RCAN2: variants seen among roughly 807,000 people sequenced by gnomAD.
The protein encoded by RCAN2 is calcipressin-2.
Under a neutral mutation model 23.6 loss-of-function variants are expected in RCAN2, and 9 were observed. The observed-to-expected ratio is 0.38, with a 90% CI of 0.23 to 0.67. The LOEUF (loss-of-function observed/expected upper bound fraction) is 0.67. RCAN2 is among the 30% of genes least tolerant of loss of function. RCAN2 has a pLI of 0.51. For synonymous variants in RCAN2, 109 were observed against 115.7 expected, an observed-to-expected ratio of 0.94 and a Z score of 0.37; for missense variants, 273 against 302.3, an observed-to-expected ratio of 0.90 and a Z score of 0.72.
intron 2 of RCAN2, among the ~76,000 whole-genome samples, chr6:46,262,603 A>AATAAATAAGTAAATAT (rs1767148573): frequency 6.6e-6 from 1 of 151,726 alleles, no homozygotes; most frequent in South Asian, 2.1e-4. Flanking sequence ...TAAATAAATA[A>AATAAATAAGTAAATAT]ATAAATAAAT....
chr6:46,329,604 C>G (rs9472740), intron 2 of RCAN2, among the ~76,000 whole-genome samples: 2 of 152,012 alleles, frequency 1.3e-5, no homozygotes, highest in Non-Finnish European at 2.9e-5. Context: ...GAGGTGCCTC[C>G]TAGATCCAGG....
chr6:46,401,017 G>A (rs1431375606), intron 2 of RCAN2, among the ~76,000 whole-genome samples: 1 of 152,174 alleles, frequency 6.6e-6, no homozygotes, highest in Non-Finnish European at 1.5e-5. Context: ...AAGTTTCCCA[G>A]TGATTCTTAT....
At chr6:46,364,322 T>C (rs928751685) in intron 2 of RCAN2, among the ~76,000 whole-genome samples, 1 of 152,180 alleles carries the variant, frequency 6.6e-6, no homozygotes, top group South Asian at 2.1e-4. Flanking sequence ...ATTGTGATGG[T>C]AGATAAAAAC....
intron 2 of RCAN2, among the ~76,000 whole-genome samples, chr6:46,444,369 G>C (rs1767639564): frequency 6.6e-6 from 1 of 152,180 alleles, no homozygotes; most frequent in East Asian, 1.9e-4. Flanking sequence ...CTCAGTGAGT[G>C]TCAGAGTTTG....
At chr6:46,374,219 A>G (rs1765400761) in intron 2 of RCAN2, among the ~76,000 whole-genome samples, 2 of 151,396 alleles carry the variant, frequency 1.3e-5, no homozygotes, top group Admixed American at 6.6e-5. Flanking sequence ...TTATATCAAA[A>G]CTCCTTTTAT....
At chr6:46,365,696 A>G (rs1403074576) in intron 2 of RCAN2, among the ~76,000 whole-genome samples, 1 of 152,144 alleles carries the variant, frequency 6.6e-6, no homozygotes, top group Non-Finnish European at 1.5e-5. Flanking sequence ...TATAGTCTCA[A>G]ATTTTATACT....
At chr6:46,264,588 T>C (rs4714910) in intron 2 of RCAN2, among the ~76,000 whole-genome samples, 86,406 of 152,138 alleles carry the variant, frequency 0.57, 29,583 homozygotes, top group Non-Finnish European at 0.77. Context: ...ATGTTCAAAT[T>C]CCTTAAGATT....
intron 2 of RCAN2, among the ~76,000 whole-genome samples, chr6:46,388,997 A>T (rs1356162350): frequency 6.6e-6 from 1 of 152,214 alleles, no homozygotes; most frequent in Non-Finnish European, 1.5e-5. Context: ...TGTAAAACCT[A>T]TGAAAACATG....
intron 2 of RCAN2, among the ~76,000 whole-genome samples, chr6:46,252,022 T>C (rs531316277): frequency 2.4e-4 from 14 of 58,952 alleles, no homozygotes; most frequent in Admixed American, 5.9e-4. Context: ...ACTCAGCATG[T>C]CCTCTCTTTT....
intron 2 of RCAN2, among the ~76,000 whole-genome samples, chr6:46,294,092 T>C (rs961781160): frequency 2.0e-5 from 3 of 152,176 alleles, no homozygotes; most frequent in African/African-American, 7.2e-5. Flanking sequence ...TTATAGGGAA[T>C]GATACAGGAT....
At chr6:46,240,063 C>T (rs1010819808) in intron 4 of RCAN2, among the ~76,000 whole-genome samples, 52 of 152,024 alleles carry the variant, frequency 3.4e-4, no homozygotes, top group Non-Finnish European at 5.3e-4. Flanking sequence ...AGGAAAGTGG[C>T]GGAGATGAAG....
intron 2 of RCAN2, among the ~76,000 whole-genome samples, chr6:46,455,231 G>A (rs1767982468): frequency 6.6e-6 from 1 of 152,136 alleles, no homozygotes; most frequent in African/African-American, 2.4e-5. Flanking sequence ...ACTTTAAATA[G>A]TCTGATGATC....
chr6:46,323,944 G>C (rs949821228), intron 2 of RCAN2, among the ~76,000 whole-genome samples: 4 of 152,216 alleles, frequency 2.6e-5, no homozygotes, highest in Admixed American at 2.6e-4. Flanking sequence ...CTCAGGGCAA[G>C]TGTGTAAACA....
Position 46,483,493 on chromosome 6 carries a change from G to T in RCAN2, c.-3+7680C>A, listed in dbSNP as rs554768180. Among the ~76,000 whole-genome samples, 12 of 152,298 alleles carry T rather than the reference G, an allele frequency of 7.9e-5. No individual in the cohort carries two copies. In the East Asian group the frequency reaches 1.4e-3, roughly 17 times the overall value. ...GGCTGAAACCAAACCAGCATCCAGG[G>T]TGCAAGCCAAGAATCCCCACAGTGT... On this transcript the variant is annotated intron_variant, in intron 1 of 4. Transcript: ENST00000371374.
chr6:46,253,929 G>T (rs1429085228), intron 2 of RCAN2, among the ~76,000 whole-genome samples: 1 of 152,130 alleles, frequency 6.6e-6, no homozygotes, highest in African/African-American at 2.4e-5. Context: ...GTACCATAGA[G>T]CTTGGATGTG....
chr6:46,440,423 T>C (rs1767502787), intron 2 of RCAN2, among the ~76,000 whole-genome samples: 1 of 152,128 alleles, frequency 6.6e-6, no homozygotes, highest in Non-Finnish European at 1.5e-5. Flanking sequence ...GTGCATGTTA[T>C]TCTAAAAATA....
chr6:46,302,927 G>C (rs1762949907), intron 2 of RCAN2, among the ~76,000 whole-genome samples: 1 of 152,010 alleles, frequency 6.6e-6, no homozygotes, highest in Non-Finnish European at 1.5e-5. Flanking sequence ...GTAAGTATTA[G>C]AGCAGGGTTT....
intron 2 of RCAN2, among the ~76,000 whole-genome samples, chr6:46,293,010 G>A (rs1319015719): frequency 6.6e-6 from 1 of 152,136 alleles, no homozygotes; most frequent in Admixed American, 6.6e-5. Flanking sequence ...TGCTTGGAAT[G>A]ATGGTTTCCA....
At chr6:46,374,018 G>GTAAAT (rs762797654) in intron 2 of RCAN2, among the ~76,000 whole-genome samples, 1 of 152,164 alleles carries the variant, frequency 6.6e-6, no homozygotes, top group Non-Finnish European at 1.5e-5. Context: ...AGAATTTAAT[G>GTAAAT]TAAATTGTAA....
Sources: gnomAD v4.1 joint callset for allele counts (sites outside exome capture counted in the v4.1 genomes callset) on GRCh38, gnomAD v4.1.1 for gene constraint, MANE v1.5 for transcripts, NCBI Gene and HGNC (gene_info 2026-07-23, HGNC 2026-07-21) for gene names.